GPC5: variants seen among roughly 807,000 people sequenced by gnomAD.
GPC5 encodes the protein glypican 5.
GPC5 carries 47 observed loss-of-function variants against 53.9 expected under a neutral mutation model. That is an observed-to-expected ratio of 0.87 (90% confidence interval 0.69 to 1.11). The LOEUF is 1.11. Ranked by LOEUF, GPC5 falls within the 50% of genes most tolerant of loss-of-function variation. The probability of loss-of-function intolerance (pLI) is 0.00; values close to 1 mark genes in which losing one functional copy is unlikely to be tolerated. For synonymous variants in GPC5, 286 were observed against 263.3 expected (o/e 1.09, Z -0.84); for missense variants, 748 against 713.1 (o/e 1.05, Z -0.56).
At chr13:92,530,041 C>G (rs1881500202) in intron 7 of GPC5, among the ~76,000 whole-genome samples, 1 of 152,126 alleles carries the variant, frequency 6.6e-6, no homozygotes, top group Non-Finnish European at 1.5e-5. Flanking sequence ...TCTCATCGTG[C>G]CACTGCACCC....
chr13:91,482,072 T>C (rs1391129992), intron 2 of GPC5, among the ~76,000 whole-genome samples: 1 of 152,200 alleles, frequency 6.6e-6, no homozygotes, highest in Non-Finnish European at 1.5e-5. Flanking sequence ...ATGATTTATT[T>C]TGGAGAATGC....
intron 7 of GPC5, among the ~76,000 whole-genome samples, chr13:92,830,165 G>A (rs1394491159): frequency 6.6e-6 from 1 of 151,956 alleles, no homozygotes; most frequent in Non-Finnish European, 1.5e-5. Context: ...AACGTCCCTG[G>A]CTATGTCATA....
intron 5 of GPC5, among the ~76,000 whole-genome samples, chr13:91,899,546 T>C (rs2039476254): frequency 1.3e-5 from 2 of 152,132 alleles, no homozygotes; most frequent in Admixed American, 1.3e-4. Flanking sequence ...TGTGTAATGA[T>C]TTAAATACTG....
intron 7 of GPC5, among the ~76,000 whole-genome samples, chr13:92,538,609 C>A (rs531577930): frequency 1.4e-5 from 2 of 146,396 alleles, no homozygotes; most frequent in African/African-American, 5.0e-5. Flanking sequence ...CTATCCCTCC[C>A]CTTGCAACTC....
At chr13:92,458,796 T>A (rs1165399447) in intron 7 of GPC5, among the ~76,000 whole-genome samples, 1 of 152,142 alleles carries the variant, frequency 6.6e-6, no homozygotes, top group Admixed American at 6.6e-5. Context: ...AGCATGTACA[T>A]ATCCAGATTC....
intron 7 of GPC5, among the ~76,000 whole-genome samples, chr13:92,590,084 G>A (rs548809245): frequency 6.6e-5 from 10 of 152,262 alleles, no homozygotes; most frequent in East Asian, 3.9e-4. Context: ...ACAAGATCCA[G>A]CTCCTTGCAA....
intron 7 of GPC5, among the ~76,000 whole-genome samples, chr13:92,741,130 C>G (rs1450165556): frequency 6.7e-6 from 1 of 150,346 alleles, no homozygotes; most frequent in African/African-American, 2.5e-5. Flanking sequence ...GAAATGTAAT[C>G]CCCAGTGTGT....
At chr13:92,691,709 T>A (rs890204008) in intron 7 of GPC5, among the ~76,000 whole-genome samples, 10 of 152,076 alleles carry the variant, frequency 6.6e-5, no homozygotes, top group African/African-American at 2.4e-4. Context: ...GACATAATTC[T>A]CCACTTATTT....
At chr13:92,773,193 C>A (rs1875675136) in intron 7 of GPC5, among the ~76,000 whole-genome samples, 1 of 152,148 alleles carries the variant, frequency 6.6e-6, no homozygotes, top group Non-Finnish European at 1.5e-5. Flanking sequence ...AATACACATT[C>A]TCTTTAATAC....
chr13:91,790,269 T>C (rs2037944235), intron 5 of GPC5, among the ~76,000 whole-genome samples: 2 of 152,248 alleles, frequency 1.3e-5, no homozygotes, highest in Admixed American at 1.3e-4. Flanking sequence ...TGTTGACTAT[T>C]TCTATGTCTT....
At chr13:92,028,618 C>G (rs1292504960) in intron 6 of GPC5, among the ~76,000 whole-genome samples, 1 of 152,118 alleles carries the variant, frequency 6.6e-6, no homozygotes, top group Non-Finnish European at 1.5e-5. Context: ...CTAACGTTTA[C>G]TTCATATTTT....
chr13:92,222,717 G>A (rs140644295), intron 7 of GPC5, among the ~76,000 whole-genome samples: 1 of 151,876 alleles, frequency 6.6e-6, no homozygotes, highest in East Asian at 1.9e-4. Context: ...AATACGCCCC[G>A]ATTTAAGAAT....
At chr13:92,664,601 A>T (rs1465381330) in intron 7 of GPC5, among the ~76,000 whole-genome samples, 1 of 152,186 alleles carries the variant, frequency 6.6e-6, no homozygotes, top group Non-Finnish European at 1.5e-5. Context: ...AAAATGTCCA[A>T]CCTCAATGAT....
intron 7 of GPC5, among the ~76,000 whole-genome samples, chr13:92,821,377 T>C (rs1330263350): frequency 6.6e-6 from 1 of 152,170 alleles, no homozygotes; most frequent in Non-Finnish European, 1.5e-5. Context: ...AGCCAATTCA[T>C]AATCATGTGT....
chr13:91,480,541 T>C (rs1381439317), intron 2 of GPC5, among the ~76,000 whole-genome samples: 1 of 152,194 alleles, frequency 6.6e-6, no homozygotes, highest in Admixed American at 6.5e-5. Flanking sequence ...TTGTAAAACT[T>C]TCTAAATAAT....
intron 6 of GPC5, among the ~76,000 whole-genome samples, chr13:91,933,564 C>T (rs1044470320): frequency 3.3e-5 from 5 of 151,816 alleles, no homozygotes; most frequent in East Asian, 1.9e-4. Context: ...TGTTAATAAA[C>T]CCATTATATA....
intron 3 of GPC5, among the ~76,000 whole-genome samples, chr13:91,707,443 C>A (rs140964244): frequency 6.6e-6 from 1 of 151,874 alleles, no homozygotes; most frequent in East Asian, 1.9e-4. Context: ...AGCAACATAG[C>A]GAGACACCAT....
chr13:91,495,971 C>T (rs1026284851), intron 2 of GPC5, among the ~76,000 whole-genome samples: 1 of 151,476 alleles, frequency 6.6e-6, no homozygotes, highest in Admixed American at 6.6e-5. Flanking sequence ...TGCAGTGAGC[C>T]GAGATAGCAC....
At chr13:92,506,545 C>T (rs1033602021) in intron 7 of GPC5, among the ~76,000 whole-genome samples, 1 of 152,060 alleles carries the variant, frequency 6.6e-6, no homozygotes, top group African/African-American at 2.4e-5. Flanking sequence ...TGACAGTGAC[C>T]AGAATATGAT....
Sources: gnomAD v4.1 joint callset for allele counts (sites outside exome capture counted in the v4.1 genomes callset) on GRCh38, gnomAD v4.1.1 for gene constraint, MANE v1.5 for transcripts, NCBI Gene and HGNC (gene_info 2026-07-23, HGNC 2026-07-21) for gene names.